IFNA21: variants seen among roughly 807,000 people sequenced by gnomAD.
The protein encoded by IFNA21 is interferon alpha-21.
For synonymous variants in IFNA21, 101 were observed against 82.9 expected (o/e 1.22, Z -1.19); for missense variants, 272 against 212.7 (o/e 1.28, Z -1.73).
Position 21,166,169 on chromosome 9 carries a change from T to G in IFNA21, c.444A>C (p.Gln148His), listed in dbSNP as rs1316137269. The G allele has an allele frequency of 1.9e-6, 3 of 1,614,192 alleles. No homozygotes were observed. The highest frequency in any genetic ancestry group is 2.5e-6 in the Non-Finnish European group (3 of 1,180,030). ...DSILAVKKYF[Q>H]RITLYLTEKK... ...TCTCTGTCAGATAAAGAGTGATTCT[T>G]TGGAAGTATTTCTTCACAGCCAGGA... Residue 148 changes from glutamine to histidine, a missense_variant, in exon 1 of 1, where the codon CAA (glutamine) becomes CAC (histidine). Transcript: ENST00000380225.
rs1819659533 is a variant in IFNA21 at position 21,166,074 on chromosome 9, A to T, written c.539T>A (p.Ile180Asn). The change falls in exon 1 of 1, where the codon ATT (isoleucine) becomes AAT (asparagine). Residue 180 changes from isoleucine to asparagine, a missense_variant. Physicochemically the swap from Ile to Asn is moderately radical, Grantham distance 149. Transcript: ENST00000380225. Reference protein sequence around the residue: ...EIMRSFSLSKIFQERLRRKE With the variant: ...EIMRSFSLSKNFQERLRRKE The stretch of plus-strand genomic sequence containing the variant: ...CTTCCTCCTTAATCTTTCTTGAAAA[A>T]TTTTTGATAAAGAGAAGGATCTCAT... The T allele has an allele frequency of 1.2e-6, 2 of 1,613,758 alleles. No individual in the cohort carries two copies. The highest frequency in any genetic ancestry group is 2.2e-5 in the East Asian group (1 of 44,876).
Position 21,166,070 on chromosome 9 carries a change from A to G in IFNA21, c.543T>C (p.Phe181=). Residue 181 remains phenylalanine, a synonymous_variant, in exon 1 of 1, where the codon TTT becomes TTC. Transcript: ENST00000380225. ...IMRSFSLSKI[F]QERLRRKE Reference sequence around the variant, plus strand: ...ATTCCTTCCTCCTTAATCTTTCTTGAAAAATTTTTGATAAAGAGAAGGATC... The same window carrying G: ...ATTCCTTCCTCCTTAATCTTTCTTGGAAAATTTTTGATAAAGAGAAGGATC... 1.2e-6 allele frequency: 2 copies of G among 1,613,948 alleles called. No individual in the cohort carries two copies. Among genetic ancestry groups the G allele is most frequent in the East Asian group, 4.5e-5 (2 of 44,882 alleles).
In IFNA21 at chr9:21,166,646, A is replaced by G. The variant is rs1819671551; in HGVS notation, c.-34T>C. On this transcript the variant is annotated 5_prime_UTR_variant, in exon 1 of 1. Transcript: ENST00000380225. ...TGCCAATATTGCTAGGCTACTTGAG[A>G]TGGGTAACCTTGAACCTTGGCCTCT... 2 of 1,596,856 alleles carry G rather than the reference A, an allele frequency of 1.3e-6. No homozygotes were observed. The highest frequency in any genetic ancestry group is 1.7e-5 in the Admixed American group (1 of 58,152).
At position 21,166,416 on chromosome 9, in the gene IFNA21, A is replaced by G. The variant is rs372444983; in HGVS notation, c.197T>C (p.Phe66Ser). 5 of 1,614,020 alleles carry G rather than the reference A, an allele frequency of 3.1e-6. No individual in the cohort carries two copies. In the African/African-American group the frequency reaches 6.7e-5, roughly 22 times the overall value. The change falls in exon 1 of 1, where the codon TTT (phenylalanine) becomes TCT (serine). Residue 66 changes from phenylalanine (F) to serine (S), a missense_variant. Physicochemically the swap from Phe to Ser is radical, Grantham distance 155. Coordinates refer to ENST00000380225, the MANE Select transcript of IFNA21 (RefSeq NM_002175.2). ...RHDFGFPQEE[F>S]DGNQFQKAQA... ...AGCCTTCTGGAACTGGTTGCCATCA[A>G]ACTCCTCCTGGGGGAATCCAAAGTC...
rs542815331 is a variant in IFNA21, at chr9:21,165,827, A to G, written c.*216T>C. 7.8e-6 allele frequency: 3 copies of G among 385,266 alleles called. No homozygotes were observed. In the South Asian group the frequency reaches 3.3e-4, roughly 42 times the overall value. The allele number at this position is 385,266 out of a possible 1,614,324, so 23.9% of individuals were successfully genotyped here. On this transcript the variant is annotated 3_prime_UTR_variant, in exon 1 of 1. Transcript: ENST00000380225. The stretch of plus-strand genomic sequence containing the variant: ...CTAATAAATAAATAAATATTTCAAT[A>G]GATAGATAATTAGATCTATCAGCAT...
rs754253683 is a variant in IFNA21, at chr9:21,166,222, C to T, written c.391G>A (p.Glu131Lys). 4.3e-6 allele frequency: 7 copies of T among 1,614,166 alleles called. No homozygotes were observed. The highest frequency in any genetic ancestry group is 2.2e-5 in the East Asian group (1 of 44,890). Residue 131 changes from glutamate (E) to lysine (K), a missense_variant, in exon 1 of 1, where the codon GAG (glutamate) becomes AAG (lysine). Glu to Lys is a moderately conservative substitution (Grantham distance 56, BLOSUM62 1). Transcript: ENST00000380225. ...GAGTCCACATTCATCAGGGGAGTCTCTTCCACCCCAACCTCCTGTATCACG... is the reference window on the plus strand; with the variant it reads ...GAGTCCACATTCATCAGGGGAGTCTTTTCCACCCCAACCTCCTGTATCACG... Reference protein sequence around the residue: ...ACVIQEVGVEETPLMNVDSIL... With the variant: ...ACVIQEVGVEKTPLMNVDSIL...
Position 21,166,365 on chromosome 9 carries a change from A to G in IFNA21, c.248T>C (p.Met83Thr), listed in dbSNP as rs1256364380. ...KAQAISVLHE[M>T]IQQTFNLFST... ...GAAGAGATTGAAGGTCTGCTGGATC[A>G]TCTCATGGAGGACAGAGATGGCTTG... Residue 83 changes from methionine (M) to threonine (T), a missense_variant, in exon 1 of 1, where the codon ATG becomes ACG. Transcript: ENST00000380225. 6.2e-7 allele frequency: 1 copy of G among 1,614,146 alleles called. No homozygotes were observed.
rs780236919 is a variant in IFNA21 at position 21,165,881 on chromosome 9, C to G, written c.*162G>C. The G allele has an allele frequency of 4.7e-6, 4 of 852,224 alleles. No homozygotes were observed. The African/African-American group carries it at 5.1e-5, about 11-fold the overall frequency. 52.8% of individuals were successfully genotyped at this position (852,224 alleles called of 1,614,324 possible). On this transcript the variant is annotated 3_prime_UTR_variant, in exon 1 of 1. Transcript: ENST00000380225. The stretch of plus-strand genomic sequence containing the variant: ...CATCTGTAAAGGACTAGTGCCTGCA[C>G]AGGTAAACATGATGTTTCCTTACAC...
chr9:21,165,714 A>G lies in IFNA21; in HGVS notation c.*329T>C, dbSNP rs1819654441. ...TAGTAAAAATTAATAAAAAGAAAAT[A>G]ATATATTGACTAAATATAAATAACA... On this transcript the variant is annotated 3_prime_UTR_variant, in exon 1 of 1. Coordinates refer to ENST00000380225, the MANE Select transcript of IFNA21 (RefSeq NM_002175.2). 6.5e-6 allele frequency: 1 copy of G among 154,648 alleles called. No homozygotes were observed. Among genetic ancestry groups the G allele is most frequent in the African/African-American group, 2.4e-5 (1 of 41,534 alleles). 9.6% of individuals were successfully genotyped at this position (154,648 alleles called of 1,614,324 possible). A position where few individuals can be genotyped will look rare whatever the true frequency, so the allele number is the denominator to read the frequency against.
At position 21,165,963 on chromosome 9, in the gene IFNA21, A is replaced by G; in HGVS notation, c.*80T>C. The stretch of plus-strand genomic sequence containing the variant: ...TCATGCGGTGGTTATAGGAGAAATG[A>G]GTCTTTGAAATGGCAGAAGTCATAG... On this transcript the variant is annotated 3_prime_UTR_variant, in exon 1 of 1. Transcript: ENST00000380225. 1 of 1,500,502 alleles carries G rather than the reference A, an allele frequency of 6.7e-7. No individual in the cohort carries two copies. The highest frequency in any genetic ancestry group is 1.3e-5 in the South Asian group (1 of 76,028). The allele number at this position is 1,500,502 out of a possible 1,614,324, so 92.9% of individuals were successfully genotyped here.
rs1380852764 is a variant in IFNA21, at chr9:21,166,569, C to G, written c.44G>C (p.Ser15Thr). The G allele has an allele frequency of 6.2e-7, 1 of 1,613,936 alleles. No individual in the cohort carries two copies. The highest frequency in any genetic ancestry group is 8.5e-7 in the Non-Finnish European group (1 of 1,179,962). The part of the protein sequence containing the change: ...FSLLMAVLVL[S>T]YKSICSLGCD... ...GCCCAGAGAACAGATGGATTTGTAG[C>G]TGAGCACCAGCACGGCCATCAGTAA... The change falls in exon 1 of 1, where the codon AGC becomes ACC. Residue 15 changes from serine (S) to threonine (T), a missense_variant. Coordinates refer to ENST00000380225, the MANE Select transcript of IFNA21 (RefSeq NM_002175.2).
Position 21,166,391 on chromosome 9 carries a change from A to G in IFNA21, c.222T>C (p.Ala74=). 6.2e-7 allele frequency: 1 copy of G among 1,614,118 alleles called. No homozygotes were observed. Among genetic ancestry groups the G allele is most frequent in the Non-Finnish European group, 8.5e-7 (1 of 1,180,018 alleles). Residue 74 remains alanine, a synonymous_variant, in exon 1 of 1, where the codon GCT becomes GCC. Coordinates refer to ENST00000380225, the MANE Select transcript of IFNA21 (RefSeq NM_002175.2). ...EEFDGNQFQK[A]QAISVLHEMI... is the part of the protein sequence containing the mutation. ...TCTCATGGAGGACAGAGATGGCTTG[A>G]GCCTTCTGGAACTGGTTGCCATCAA...
At position 21,166,430 on chromosome 9, in the gene IFNA21, G is replaced by T; in HGVS notation, c.183C>A (p.Phe61Leu). 6.2e-7 allele frequency: 1 copy of T among 1,614,132 alleles called. No homozygotes were observed. Among genetic ancestry groups the T allele is most frequent in the South Asian group, 1.1e-5 (1 of 91,078 alleles). ...GGTTGCCATCAAACTCCTCCTGGGG[G>T]AATCCAAAGTCATGTCTGTCCTTCA... ...SCLKDRHDFG[F>L]PQEEFDGNQF... is the part of the protein sequence containing the mutation. The change falls in exon 1 of 1, where the codon TTC becomes TTA. Residue 61 changes from phenylalanine (F) to leucine (L), a missense_variant. Physicochemically the swap from Phe to Leu is conservative, Grantham distance 22. Coordinates refer to ENST00000380225, the MANE Select transcript of IFNA21 (RefSeq NM_002175.2).
chr9:21,166,151 C>A lies in IFNA21; in HGVS notation c.462G>T (p.Leu154=), dbSNP rs756483051. 6.2e-7 allele frequency: 1 copy of A among 1,614,142 alleles called. No homozygotes were observed. Among genetic ancestry groups the A allele is most frequent in the African/African-American group, 1.3e-5 (1 of 75,040 alleles). The change falls in exon 1 of 1, where the codon CTG becomes CTT. Residue 154 remains leucine (L), a synonymous_variant. Coordinates refer to ENST00000380225, the MANE Select transcript of IFNA21 (RefSeq NM_002175.2). ...CACAAGGGCTGTATTTCTTCTCTGT[C>A]AGATAAAGAGTGATTCTTTGGAAGT... The part of the protein sequence containing the change: ...KKYFQRITLY[L]TEKKYSPCAW...
In IFNA21 at chr9:21,165,769, A is replaced by T. The variant is rs1587889858; in HGVS notation, c.*274T>A. 1 of 207,958 alleles carries T rather than the reference A, an allele frequency of 4.8e-6. No homozygotes were observed. Among genetic ancestry groups the T allele is most frequent in the East Asian group, 9.8e-5 (1 of 10,168 alleles). 12.9% of individuals were successfully genotyped at this position (207,958 alleles called of 1,614,324 possible). A position where few individuals can be genotyped will look rare whatever the true frequency, so the allele number is the denominator to read the frequency against. On this transcript the variant is annotated 3_prime_UTR_variant, in exon 1 of 1. Coordinates refer to ENST00000380225, the MANE Select transcript of IFNA21 (RefSeq NM_002175.2). Reference sequence around the variant, plus strand: ...TTGATATAACACAATGTAAAAGTACACATAATATTACATGGACAAAAATAA... The same window carrying T: ...TTGATATAACACAATGTAAAAGTACTCATAATATTACATGGACAAAAATAA...
Position 21,166,352 on chromosome 9 carries a change from G to C in IFNA21, c.261C>G (p.Thr87=), listed in dbSNP as rs1317814135. 1.2e-6 allele frequency: 2 copies of C among 1,614,104 alleles called. No homozygotes were observed. The highest frequency in any genetic ancestry group is 1.7e-6 in the Non-Finnish European group (2 of 1,180,010). ...ISVLHEMIQQ[T]FNLFSTKDSS... ...AGTCCTTTGTGCTGAAGAGATTGAA[G>C]GTCTGCTGGATCATCTCATGGAGGA... is the stretch of plus-strand genomic sequence containing the variant. The change falls in exon 1 of 1, where the codon ACC becomes ACG. Residue 87 remains threonine, a synonymous_variant. Coordinates refer to ENST00000380225, the MANE Select transcript of IFNA21 (RefSeq NM_002175.2).
chr9:21,165,868 A>G lies in IFNA21; in HGVS notation c.*175T>C. The G allele has an allele frequency of 1.4e-6, 1 of 699,010 alleles. No homozygotes were observed. The highest frequency in any genetic ancestry group is 2.3e-6 in the Non-Finnish European group (1 of 428,846). The allele number at this position is 699,010 out of a possible 1,614,324, so 43.3% of individuals were successfully genotyped here. A position where few individuals can be genotyped will look rare whatever the true frequency, so the allele number is the denominator to read the frequency against. ...CTATCAGCATGGTCATCTGTAAAGG[A>G]CTAGTGCCTGCACAGGTAAACATGA... is the stretch of plus-strand genomic sequence containing the variant. On this transcript the variant is annotated 3_prime_UTR_variant, in exon 1 of 1. Coordinates refer to ENST00000380225, the MANE Select transcript of IFNA21 (RefSeq NM_002175.2).
chr9:21,166,634 A>T lies in IFNA21; in HGVS notation c.-22T>A. The T allele has an allele frequency of 6.2e-7, 1 of 1,602,522 alleles. No homozygotes were observed. Among genetic ancestry groups the T allele is most frequent in the Non-Finnish European group, 8.5e-7 (1 of 1,173,956 alleles). On this transcript the variant is annotated 5_prime_UTR_variant, in exon 1 of 1. Coordinates refer to ENST00000380225, the MANE Select transcript of IFNA21 (RefSeq NM_002175.2). ...CCATTGGGATGTTGCCAATATTGCT[A>T]GGCTACTTGAGATGGGTAACCTTGA... is the stretch of plus-strand genomic sequence containing the variant.
At position 21,165,944 on chromosome 9, in the gene IFNA21, G is replaced by T. The variant is rs796589703; in HGVS notation, c.*99C>A. On this transcript the variant is annotated 3_prime_UTR_variant, in exon 1 of 1. Coordinates refer to ENST00000380225, the MANE Select transcript of IFNA21 (RefSeq NM_002175.2). ...CTGAAAATTTTGATTCAACTCATGC[G>T]GTGGTTATAGGAGAAATGAGTCTTT... 11 of 1,430,064 alleles carry T rather than the reference G, an allele frequency of 7.7e-6. No individual in the cohort carries two copies. The highest frequency in any genetic ancestry group is 1.0e-5 in the Non-Finnish European group (11 of 1,055,196). The allele number at this position is 1,430,064 out of a possible 1,614,324, so 88.6% of individuals were successfully genotyped here.
Sources: allele counts gnomAD v4.1 joint callset, GRCh38; gene constraint gnomAD v4.1.1; transcripts MANE v1.5; gene names NCBI Gene and HGNC (gene_info 2026-07-23, HGNC 2026-07-21).